The following DLG2 variants were observed in gnomAD, a reference collection of about 807,000 sequenced individuals.
DLG2 encodes discs large MAGUK scaffold protein 2, also known as disks large homolog 2.
In DLG2, 45 loss-of-function variants were observed where a neutral mutation model predicts 132.5. The observed-to-expected ratio is 0.34, with a 90% CI of 0.27 to 0.44. The LOEUF is 0.44. Ranked by LOEUF, DLG2 falls within the 20% of genes least tolerant of loss-of-function variation. The pLI is 1.00. For missense variants in DLG2, 1,045 were observed against 1,196.9 expected (o/e 0.87, Z 1.87); for synonymous variants, 424 against 419.6 (o/e 1.01, Z -0.13).
chr11:85,110,630 C>T (rs541702635), intron 6 of DLG2, among the ~76,000 whole-genome samples: 1 of 152,150 alleles, frequency 6.6e-6, no homozygotes, highest in East Asian at 1.9e-4. Context: ...CCCACTTTCT[C>T]CCCCCTGCCA....
At chr11:84,453,083 A>C (rs919249359) in intron 7 of DLG2, among the ~76,000 whole-genome samples, 4 of 151,580 alleles carry the variant, frequency 2.6e-5, no homozygotes, top group African/African-American at 7.3e-5. Context: ...AAAAAAAATA[A>C]ATTTAAAAAA....
intron 2 of DLG2, among the ~76,000 whole-genome samples, chr11:85,620,343 C>T (rs1453785004): frequency 2.0e-5 from 3 of 152,178 alleles, no homozygotes; most frequent in Non-Finnish European, 4.4e-5. Flanking sequence ...CCTGGAGACA[C>T]AACAATATTA....
intron 17 of DLG2, among the ~76,000 whole-genome samples, chr11:83,802,757 G>A (rs181445190): frequency 1.3e-5 from 2 of 152,030 alleles, no homozygotes; most frequent in African/African-American, 4.8e-5. Flanking sequence ...AGAAAAGCAA[G>A]CTGTAGAACT....
chr11:84,907,847 TAG>T (rs1270795355), intron 6 of DLG2, among the ~76,000 whole-genome samples: 5 of 152,188 alleles, frequency 3.3e-5, no homozygotes, highest in Non-Finnish European at 7.4e-5. Flanking sequence ...TGCTGGACAT[TAG>T]CCTTCTGGGC....
chr11:85,308,270 A>G (rs2152804537), intron 3 of DLG2, among the ~76,000 whole-genome samples: 1 of 151,554 alleles, frequency 6.6e-6, no homozygotes, highest in South Asian at 2.1e-4. Flanking sequence ...AAGGGGAAAA[A>G]AGGAATTAAA....
intron 14 of DLG2, among the ~76,000 whole-genome samples, chr11:83,938,120 C>T (rs1006602738): frequency 2.6e-5 from 4 of 152,182 alleles, no homozygotes; most frequent in East Asian, 3.8e-4. Flanking sequence ...ATTCACATGA[C>T]GGTTTATTGT....
chr11:84,402,551 CA>C (rs1281154938), intron 7 of DLG2, among the ~76,000 whole-genome samples: 266 of 136,796 alleles, frequency 1.9e-3, no homozygotes, highest in Middle Eastern at 7.6e-3. Context: ...TCCTTCATGT[CA>C]AAAAAAAAAA....
intron 7 of DLG2, among the ~76,000 whole-genome samples, chr11:84,288,705 T>C (rs201729203): frequency 1.3e-5 from 2 of 152,130 alleles, no homozygotes; most frequent in East Asian, 3.9e-4. Flanking sequence ...AATAAAACAT[T>C]TGAAATTATA....
intron 4 of DLG2, among the ~76,000 whole-genome samples, chr11:85,227,895 G>A (rs1340634024): frequency 1.3e-5 from 2 of 151,836 alleles, no homozygotes; most frequent in Non-Finnish European, 2.9e-5. Context: ...TATTCAGCAG[G>A]TACACTCCTG....
intron 22 of DLG2, among the ~76,000 whole-genome samples, chr11:83,479,932 ATT>A (rs2092963678): frequency 6.6e-6 from 1 of 152,130 alleles, no homozygotes; most frequent in Admixed American, 6.6e-5. Flanking sequence ...GGAACACTTT[ATT>A]TATAAATGCT....
intron 6 of DLG2, chr11:85,020,863 C>T: frequency 1.3e-6 from 1 of 760,032 alleles, no homozygotes; most frequent in South Asian, 1.3e-5. Context: ...TTGTCATCAT[C>T]CAGTAGGTCC....
intron 7 of DLG2, among the ~76,000 whole-genome samples, chr11:84,457,536 A>G (rs75843560): frequency 0.012 from 1,861 of 151,166 alleles, 29 homozygotes; most frequent in African/African-American, 0.042. Context: ...ATTGCCTGTT[A>G]CTCCTGCAAT....
chr11:84,928,433 A>G (rs921022995), intron 6 of DLG2, among the ~76,000 whole-genome samples: 34 of 152,000 alleles, frequency 2.2e-4, no homozygotes, highest in African/African-American at 7.2e-4. Context: ...AGTCAAATAT[A>G]TAACTTGTGC....
intron 19 of DLG2, among the ~76,000 whole-genome samples, chr11:83,558,848 C>CGTGTGTGTGTGTGTGTGTGTGTGTGTGT (rs3039336): frequency 1.9e-4 from 27 of 142,330 alleles, no homozygotes; most frequent in Non-Finnish European, 3.6e-4. Flanking sequence ...TGCTAGATGT[C>CGTGTGTGTGTGTGTGTGTGTGTGTGTGT]GTGTGTGTGT....
chr11:85,384,235 A>G (rs1365203918), intron 3 of DLG2, among the ~76,000 whole-genome samples: 1 of 152,178 alleles, frequency 6.6e-6, no homozygotes, highest in Non-Finnish European at 1.5e-5. Flanking sequence ...GAAATTGAGG[A>G]TTTGAGAGGA....
At chr11:83,740,463 A>G (rs2153716307) in intron 18 of DLG2, among the ~76,000 whole-genome samples, 1 of 152,316 alleles carries the variant, frequency 6.6e-6, no homozygotes, top group Middle Eastern at 3.4e-3. Context: ...AAAACTAATC[A>G]AAGACATTAG....
At chr11:84,987,111 A>G (rs1241386400) in intron 6 of DLG2, among the ~76,000 whole-genome samples, 1 of 152,206 alleles carries the variant, frequency 6.6e-6, no homozygotes, top group Non-Finnish European at 1.5e-5. Context: ...ACTTCTGTAC[A>G]CCAACAGCGA....
At chr11:85,165,152 G>C (rs536697895) in intron 4 of DLG2, among the ~76,000 whole-genome samples, 12 of 152,160 alleles carry the variant, frequency 7.9e-5, no homozygotes, top group Non-Finnish European at 1.6e-4. Flanking sequence ...CGGCACAATG[G>C]AAAATTAATG....
intron 7 of DLG2, among the ~76,000 whole-genome samples, chr11:84,298,030 T>A (rs1567212369): frequency 6.6e-6 from 1 of 152,066 alleles, no homozygotes; most frequent in Non-Finnish European, 1.5e-5. Flanking sequence ...CAACCTATCC[T>A]CCATATCACA....
Sources: allele counts gnomAD v4.1 joint callset (sites outside exome capture counted in the v4.1 genomes callset), GRCh38; gene constraint gnomAD v4.1.1; transcripts MANE v1.5; gene names NCBI Gene and HGNC (gene_info 2026-07-23, HGNC 2026-07-21).